Variants in PSMC2 observed in about 807,000 individuals in gnomAD.
PSMC2 encodes the protein 26S proteasome regulatory subunit 7.
In PSMC2, 7 loss-of-function variants were observed where a neutral mutation model predicts 53.3. The observed-to-expected ratio is 0.13, with a 90% CI of 0.07 to 0.25. The LOEUF is 0.25. PSMC2 is among the 10% of genes least tolerant of loss of function. The pLI, the probability that PSMC2 is intolerant of heterozygous loss-of-function variation, is 1.00. For missense variants in PSMC2, 241 were observed against 544.0 expected (o/e 0.44, Z 5.54); for synonymous variants, 169 against 183.9 (o/e 0.92, Z 0.66).
Position 103,362,037 on chromosome 7 carries a change from A to G in PSMC2, c.371A>G (p.Asp124Gly). ...NVKQFAKFVV[D>G]LSDQVAPTDI... ...AAGCAGTTTGCCAAGTTTGTGGTGG[A>G]CCTTAGTGATCAGGTGGCACCTACT... The change falls in exon 5 of 12, where the codon GAC becomes GGC. Residue 124 changes from aspartate to glycine, a missense_variant. This residue lies in a region of PSMC2 where 75 missense variants were observed against 185.1 expected (regional missense o/e 0.41). Transcript: ENST00000292644. 1 of 1,613,718 alleles carries G rather than the reference A, an allele frequency of 6.2e-7. No individual in the cohort carries two copies. The highest frequency in any genetic ancestry group is 8.5e-7 in the Non-Finnish European group (1 of 1,179,872).
At chr7:103,360,581 AC>A (rs1820324011) in intron 4 of PSMC2, among the ~76,000 whole-genome samples, 1 of 152,100 alleles carries the variant, frequency 6.6e-6, no homozygotes, top group African/African-American at 2.4e-5. Context: ...TCTGTACCTT[AC>A]TTTTAGCTCT....
intron 4 of PSMC2, among the ~76,000 whole-genome samples, chr7:103,359,120 A>C (rs986888781): frequency 4.7e-5 from 6 of 128,228 alleles, no homozygotes; most frequent in African/African-American, 1.8e-4. Context: ...CCACAGGTGC[A>C]TACCACCCCA....
chr7:103,362,384 G>T, intron 5 of PSMC2: 1 of 1,336,514 alleles, frequency 7.5e-7, no homozygotes, highest in Non-Finnish European at 9.5e-7. Context: ...CTTGCTTTAG[G>T]ATAGTTGTGA....
In PSMC2 at chr7:103,347,697, T is replaced by G. The variant is rs750417527; in HGVS notation, c.-15T>G. Reference sequence around the variant, plus strand: ...GTGTAATCATTAAGGAGCGGAGGCTTTTGGAGCTGCTAAAATGCCGGATTA... The same window carrying G: ...GTGTAATCATTAAGGAGCGGAGGCTGTTGGAGCTGCTAAAATGCCGGATTA... On this transcript the variant is annotated 5_prime_UTR_variant, in exon 1 of 12. Transcript: ENST00000292644. 1 of 1,613,536 alleles carries G rather than the reference T, an allele frequency of 6.2e-7. No homozygotes were observed. The highest frequency in any genetic ancestry group is 2.2e-5 in the East Asian group (1 of 44,874).
intron 8 of PSMC2, among the ~76,000 whole-genome samples, chr7:103,365,656 G>A (rs769921027): frequency 3.3e-5 from 5 of 151,686 alleles, no homozygotes; most frequent in African/African-American, 7.3e-5. Context: ...ATAGCTGCGC[G>A]CAGTGGCTCA....
At position 103,367,889 on chromosome 7, in the gene PSMC2, T is replaced by C. The variant is rs1820801193; in HGVS notation, c.1145-8T>C. 5 of 1,611,736 alleles carry C rather than the reference T, an allele frequency of 3.1e-6. No homozygotes were observed. The highest frequency in any genetic ancestry group is 4.2e-6 in the Non-Finnish European group (5 of 1,179,136). On this transcript the variant is annotated splice_region_variant and splice_polypyrimidine_tract_variant and intron_variant, in intron 11 of 11. Coordinates refer to ENST00000292644, the MANE Select transcript of PSMC2 (RefSeq NM_002803.4). This position sits in a 1 kb window ranked among gnomAD's most constrained non-coding sequence, Gnocchi z 6.1. ...ATTAAGCCCGTTTATTTTCTTTTTG[T>C]TTGAAAGGTGCTGAGATTAGAAGCG...
intron 1 of PSMC2, chr7:103,352,871 G>A (rs899716163): frequency 2.0e-5 from 16 of 780,706 alleles, no homozygotes; most frequent in Admixed American, 1.5e-4. Context: ...TGAACTGCTT[G>A]GATTACACGG....
chr7:103,364,386 C>T, intron 8 of PSMC2, 79 bp downstream of exon 8: 1 of 1,496,068 alleles, frequency 6.7e-7, no homozygotes, highest in South Asian at 1.2e-5. Context: ...GGCACTTCTG[C>T]ATTGAGGGAT....
At chr7:103,358,106 T>G (rs1237878919) in intron 4 of PSMC2, among the ~76,000 whole-genome samples, 1 of 152,190 alleles carries the variant, frequency 6.6e-6, no homozygotes, top group Non-Finnish European at 1.5e-5. Context: ...GAGGTAATAT[T>G]TTGAGACTGC....
intron 9 of PSMC2, among the ~76,000 whole-genome samples, chr7:103,366,593 C>T (rs540015414): frequency 5.6e-4 from 85 of 152,286 alleles, no homozygotes; most frequent in African/African-American, 2.0e-3. Flanking sequence ...TTTGCATTTG[C>T]AAATTTGGGA....
chr7:103,349,035 T>G (rs1427499667), intron 1 of PSMC2, among the ~76,000 whole-genome samples: 1 of 152,254 alleles, frequency 6.6e-6, no homozygotes, highest in Non-Finnish European at 1.5e-5. Context: ...ATATAACTTC[T>G]TCCCAGTAGT....
At chr7:103,362,497 T>G (rs1820467467) in intron 5 of PSMC2, 189 bp from the exon 6 acceptor site, 1 of 1,413,910 alleles carries the variant, frequency 7.1e-7, no homozygotes, top group Admixed American at 3.1e-5. Flanking sequence ...TTGGATAGGT[T>G]GTTTGCGACA....
At chr7:103,363,566 G>A (rs1820531150) in intron 7 of PSMC2, 127 bp downstream of exon 7, 3 of 787,646 alleles carry the variant, frequency 3.8e-6, no homozygotes, top group African/African-American at 3.4e-5. Context: ...TTGAGAGGGT[G>A]GAGAGAGGAG....
At chr7:103,349,071 C>T (rs1249133577) in intron 1 of PSMC2, among the ~76,000 whole-genome samples, 3 of 152,062 alleles carry the variant, frequency 2.0e-5, no homozygotes, top group South Asian at 2.1e-4. Flanking sequence ...ATCTTTATGC[C>T]GTTTCTCCTT....
At chr7:103,364,416 T>A (rs1188336334) in intron 8 of PSMC2, 109 bp downstream of exon 8, 6 of 1,284,612 alleles carry the variant, frequency 4.7e-6, no homozygotes, top group Non-Finnish European at 6.5e-6. Context: ...AAATTTCTTT[T>A]TTCTTTTGTT....
intron 4 of PSMC2, among the ~76,000 whole-genome samples, chr7:103,359,312 T>G (rs965781340): frequency 2.6e-5 from 4 of 151,966 alleles, no homozygotes; most frequent in Non-Finnish European, 5.9e-5. Flanking sequence ...TATGAATTTT[T>G]TTAATAACAA....
chr7:103,356,230 T>C (rs1820025906), intron 4 of PSMC2, among the ~76,000 whole-genome samples: 1 of 152,180 alleles, frequency 6.6e-6, no homozygotes, highest in Non-Finnish European at 1.5e-5. Context: ...TTCTTTTTTC[T>C]TGTGTTTTTA....
intron 9 of PSMC2, 130 bp downstream of exon 9, chr7:103,366,293 G>A (rs533878270): frequency 2.0e-5 from 15 of 747,594 alleles, no homozygotes; most frequent in Non-Finnish European, 3.1e-5. Context: ...AAACAGTGGC[G>A]CCACAGATCT....
intron 1 of PSMC2, among the ~76,000 whole-genome samples, chr7:103,353,455 C>T (rs985141690): frequency 6.6e-5 from 10 of 152,112 alleles, no homozygotes; most frequent in South Asian, 6.2e-4. Flanking sequence ...TACAGACATG[C>T]GCCACCATGC....
Sources: gnomAD v4.1 joint callset for allele counts (sites outside exome capture counted in the v4.1 genomes callset) on GRCh38, gnomAD v4.1.1 for gene constraint, gnomAD v4.1.1 regional missense constraint, Gnocchi (gnomAD v3.1) non-coding constraint, MANE v1.5 for transcripts, NCBI Gene and HGNC (gene_info 2026-07-23, HGNC 2026-07-21) for gene names.